Variants in SUMF1 observed in about 807,000 individuals in gnomAD.
SUMF1 encodes formylglycine-generating enzyme.
In SUMF1, 48 loss-of-function variants were observed where a neutral mutation model predicts 47.6. The observed-to-expected ratio is 1.01, with a 90% CI of 0.80 to 1.28. SUMF1 has a LOEUF of 1.28. Ranked by LOEUF, SUMF1 falls within the 50% of genes most tolerant of loss-of-function variation. The pLI, the probability that SUMF1 is intolerant of heterozygous loss-of-function variation, is 0.00. For synonymous variants in SUMF1, 230 were observed against 192.1 expected, an observed-to-expected ratio of 1.20 and a Z score of -1.63; for missense variants, 571 against 485.4, an observed-to-expected ratio of 1.18 and a Z score of -1.66.
intron 3 of SUMF1, among the ~76,000 whole-genome samples, chr3:4,420,820 G>A (rs1003977613): frequency 3.3e-5 from 5 of 152,150 alleles, no homozygotes; most frequent in Non-Finnish European, 5.9e-5. Flanking sequence ...TTAAATGTGA[G>A]GCTAAAGGTC....
intron 8 of SUMF1, among the ~76,000 whole-genome samples, chr3:4,286,702 A>T (rs1697639816): frequency 6.6e-6 from 1 of 152,182 alleles, no homozygotes; most frequent in East Asian, 1.9e-4. Flanking sequence ...TAATAAGTTC[A>T]AAGATGTTTT....
chr3:4,335,450 G>A (rs945948794), intron 8 of SUMF1, among the ~76,000 whole-genome samples: 5 of 152,166 alleles, frequency 3.3e-5, no homozygotes, highest in Non-Finnish European at 5.9e-5. Context: ...CCTGGAGATG[G>A]GGTCTAAGCT....
intron 8 of SUMF1, among the ~76,000 whole-genome samples, chr3:4,219,720 A>G (rs1238974819): frequency 2.0e-5 from 3 of 152,132 alleles, no homozygotes; most frequent in Non-Finnish European, 4.4e-5. Context: ...GTACCTCCAT[A>G]AGAAATACAC....
chr3:4,368,726 G>A (rs1042594026), intron 8 of SUMF1, among the ~76,000 whole-genome samples: 5 of 152,108 alleles, frequency 3.3e-5, no homozygotes, highest in Admixed American at 6.5e-5. Context: ...AAACATAAGA[G>A]AGCCTAACGC....
chr3:4,418,043 C>CA lies in SUMF1; in HGVS notation c.691dup (p.Trp231LeufsTer11), dbSNP rs748337915. The CA allele has an allele frequency of 1.2e-5, 19 of 1,613,938 alleles. No individual in the cohort carries two copies. The South Asian group carries it at 1.9e-4, about 16-fold the overall frequency. ...CAGGCCTCCTCGACAGCTGTATTCC[C>CA]ACTCAGCTTCCGTGGGCAGCCGCTT... On this transcript the variant is annotated frameshift_variant, in exon 5 of 9. Transcript: ENST00000272902. LOFTEE classifies it high-confidence loss of function.
intron 8 of SUMF1, among the ~76,000 whole-genome samples, chr3:4,163,738 C>G (rs985615941): frequency 1.3e-5 from 2 of 151,998 alleles, no homozygotes; most frequent in African/African-American, 4.8e-5. Context: ...CCTGTTCTTT[C>G]AATTTTACCA....
chr3:4,150,292 T>C (rs979196578), intron 8 of SUMF1, among the ~76,000 whole-genome samples: 3 of 147,792 alleles, frequency 2.0e-5, no homozygotes, highest in Non-Finnish European at 4.4e-5. Flanking sequence ...CCAGGCTCAG[T>C]GGCTCACATC....
At chr3:4,128,669 C>T (rs1693715244) in intron 8 of SUMF1, among the ~76,000 whole-genome samples, 1 of 152,060 alleles carries the variant, frequency 6.6e-6, no homozygotes, top group South Asian at 2.1e-4. Flanking sequence ...GTGTGCTACA[C>T]TCAAAAAGAA....
intron 8 of SUMF1, among the ~76,000 whole-genome samples, chr3:4,190,004 TAAC>T (rs1459790423): frequency 2.6e-5 from 4 of 152,164 alleles, no homozygotes; most frequent in African/African-American, 9.7e-5. Flanking sequence ...CTGTTGTGCT[TAAC>T]AACATCAGTG....
At chr3:4,174,149 G>A (rs566842055) in intron 8 of SUMF1, among the ~76,000 whole-genome samples, 6 of 152,114 alleles carry the variant, frequency 3.9e-5, no homozygotes, top group East Asian at 1.9e-4. Flanking sequence ...GAGGTCAGGA[G>A]ATCGAGAGCA....
intron 8 of SUMF1, among the ~76,000 whole-genome samples, chr3:4,176,066 T>TGTA (rs1230963371): frequency 6.6e-6 from 1 of 152,198 alleles, no homozygotes; most frequent in Non-Finnish European, 1.5e-5. Context: ...ATTTGATTGT[T>TGTA]GTACCTGAAA....
chr3:4,274,225 T>TTAA (rs1273516215), intron 8 of SUMF1, among the ~76,000 whole-genome samples: 1 of 152,168 alleles, frequency 6.6e-6, no homozygotes, highest in Non-Finnish European at 1.5e-5. Flanking sequence ...ATACCTAGGC[T>TTAA]TAATAATAAT....
chr3:4,178,902 C>T (rs1342857858), intron 8 of SUMF1, among the ~76,000 whole-genome samples: 3 of 152,102 alleles, frequency 2.0e-5, no homozygotes, highest in Admixed American at 6.5e-5. Context: ...CATTAACAGA[C>T]AAACAAAGAG....
intron 7 of SUMF1, among the ~76,000 whole-genome samples, chr3:4,406,848 T>C (rs1201069382): frequency 1.3e-5 from 2 of 152,156 alleles, no homozygotes; most frequent in Admixed American, 1.3e-4. Flanking sequence ...TGTGGGAAAT[T>C]AGAATGTTAT....
chr3:4,257,800 C>G (rs530464669), intron 8 of SUMF1, among the ~76,000 whole-genome samples: 39 of 152,140 alleles, frequency 2.6e-4, no homozygotes, highest in Admixed American at 8.5e-4. Context: ...GCCCGTGTGG[C>G]CAAGTCAATC....
At chr3:4,181,775 C>T (rs1173140889) in intron 8 of SUMF1, among the ~76,000 whole-genome samples, 2 of 152,060 alleles carry the variant, frequency 1.3e-5, no homozygotes, top group Non-Finnish European at 2.9e-5. Context: ...TCCAAGAACC[C>T]AGGACCACAG....
intron 8 of SUMF1, among the ~76,000 whole-genome samples, chr3:4,093,783 A>G (rs1293145007): frequency 1.3e-5 from 2 of 152,126 alleles, no homozygotes; most frequent in African/African-American, 2.4e-5. Context: ...ATAAAAAATT[A>G]ACAAGGCAAG....
At chr3:4,072,727 G>T (rs190708237) in intron 8 of SUMF1, among the ~76,000 whole-genome samples, 14 of 152,056 alleles carry the variant, frequency 9.2e-5, no homozygotes. Context: ...CAGAACAAAG[G>T]ATATCAGTGA....
chr3:4,351,731 A>G (rs2582349), intron 8 of SUMF1, among the ~76,000 whole-genome samples: 49,465 of 152,014 alleles, frequency 0.33, 9,306 homozygotes, highest in African/African-American at 0.51. Flanking sequence ...TCTTTCAAAA[A>G]TGTGTAGTCG....
Sources: gnomAD v4.1 joint callset for allele counts (sites outside exome capture counted in the v4.1 genomes callset) on GRCh38, gnomAD v4.1.1 for gene constraint, MANE v1.5 for transcripts, NCBI Gene and HGNC (gene_info 2026-07-23, HGNC 2026-07-21) for gene names.